The following USP31 variants were observed in gnomAD, a reference collection of about 807,000 sequenced individuals.
USP31 encodes ubiquitin carboxyl-terminal hydrolase 31.
In USP31, 44 loss-of-function variants were observed where a neutral mutation model predicts 119.4. That is an observed-to-expected ratio of 0.37 (90% confidence interval 0.29 to 0.47). USP31 has a LOEUF of 0.47. Among genes scored for constraint, USP31 ranks in the 20% least tolerant of loss-of-function variants. The probability of loss-of-function intolerance (pLI) is 0.99; values close to 1 mark genes in which losing one functional copy is unlikely to be tolerated. For synonymous variants in USP31, 749 were observed against 705.6 expected (o/e 1.06, Z -0.97); for missense variants, 1,643 against 1,730.2 (o/e 0.95, Z 0.89).
intron 6 of USP31, among the ~76,000 whole-genome samples, chr16:23,099,160 G>T (rs1345977790): frequency 6.6e-6 from 1 of 151,936 alleles, no homozygotes. Flanking sequence ...TGGGCAAAGG[G>T]TATGAACAGA....
chr16:23,108,879 T>A (rs1219232785), intron 1 of USP31, among the ~76,000 whole-genome samples: 2 of 152,242 alleles, frequency 1.3e-5, no homozygotes, highest in East Asian at 3.8e-4. Flanking sequence ...GCTAAACTTT[T>A]ATTATGTAAG....
intron 1 of USP31, among the ~76,000 whole-genome samples, chr16:23,136,967 C>T (rs192596139): frequency 1.3e-5 from 2 of 152,268 alleles, no homozygotes; most frequent in East Asian, 3.9e-4. Flanking sequence ...AATCCCGGCA[C>T]TTTGGGAGGC....
chr16:23,073,795 C>A lies in USP31; in HGVS notation c.2262G>T (p.Thr754=), dbSNP rs763372001. 1.9e-6 allele frequency: 3 copies of A among 1,613,980 alleles called. No homozygotes were observed. The highest frequency in any genetic ancestry group is 2.2e-5 in the South Asian group (2 of 91,076). Residue 754 remains threonine, a synonymous_variant, in exon 14 of 16, where the codon ACG becomes ACT. Coordinates refer to ENST00000219689, the MANE Select transcript of USP31 (RefSeq NM_020718.4). The part of the protein sequence containing the change: ...VQQLSEDEVC[T]QTAYILFYQR... Reference sequence around the variant, plus strand: ...GGTAGAAGAGGATGTATGCTGTCTGCGTGCAGACCTCATCTTCTGACAGCT... The same window carrying A: ...GGTAGAAGAGGATGTATGCTGTCTGAGTGCAGACCTCATCTTCTGACAGCT...
At chr16:23,126,621 T>C (rs1379488372) in intron 1 of USP31, among the ~76,000 whole-genome samples, 5 of 147,802 alleles carry the variant, frequency 3.4e-5, no homozygotes, top group African/African-American at 1.0e-4. Context: ...AGCAAGACTC[T>C]GTCTCAAAAA....
intron 6 of USP31, among the ~76,000 whole-genome samples, chr16:23,097,746 C>G (rs1376312721): frequency 6.6e-6 from 1 of 152,172 alleles, no homozygotes; most frequent in Non-Finnish European, 1.5e-5. Context: ...TCAATAGATG[C>G]AGAAAAGGCC....
Position 23,065,166 on chromosome 16 carries a change from T to C in USP31, c.*2880A>G, listed in dbSNP as rs1233808857. On this transcript the variant is annotated 3_prime_UTR_variant, in exon 16 of 16. Transcript: ENST00000219689. ...GCAAACAAACATTACAGATACAACATTACTGTTGGTGATTATTTTGTGCCT... is the reference window on the plus strand; with the variant it reads ...GCAAACAAACATTACAGATACAACACTACTGTTGGTGATTATTTTGTGCCT... The C allele has an allele frequency of 2.0e-5, 3 of 152,000 alleles. No homozygotes were observed. Among genetic ancestry groups the C allele is most frequent in the South Asian group, 4.1e-4 (2 of 4,822 alleles). The allele number at this position is 152,000 out of a possible 1,614,324, so 9.4% of individuals were successfully genotyped here.
chr16:23,118,979 AT>A lies in USP31; in HGVS notation c.634-10797del, dbSNP rs1474170664. Among the ~76,000 whole-genome samples, 7 of 152,270 alleles carry A rather than the reference AT, an allele frequency of 4.6e-5. No homozygotes were observed. The South Asian group carries it at 1.2e-3, about 27-fold the overall frequency. On this transcript the variant is annotated intron_variant, in intron 1 of 15. Transcript: ENST00000219689. ...CACTGCAAGGCTCTGTCTCAAAAAAATAATAAAATAAAATAAATAAATTCAC... is the reference window on the plus strand; with the variant it reads ...CACTGCAAGGCTCTGTCTCAAAAAAAAATAAAATAAAATAAATAAATTCAC...
Position 23,149,078 on chromosome 16 carries a change from T to C in USP31, c.193A>G (p.Met65Val). The change falls in exon 1 of 16, where the codon ATG becomes GTG. Residue 65 changes from methionine to valine, a missense_variant. Coordinates refer to ENST00000219689, the MANE Select transcript of USP31 (RefSeq NM_020718.4). ...GACAGCGTCTTGAGAACGCGGCTCA[T>C]GAAGCTGCCCACCGAGCGTGCAGAG... ...PSSARSVGSFMSRVLKTLSTL... is the reference protein window; with the variant it reads ...PSSARSVGSFVSRVLKTLSTL... The C allele has an allele frequency of 1.6e-6, 2 of 1,272,552 alleles. No individual in the cohort carries two copies. The highest frequency in any genetic ancestry group is 2.8e-4 in the Middle Eastern group (1 of 3,606). 78.8% of individuals were successfully genotyped at this position (1,272,552 alleles called of 1,614,324 possible).
intron 11 of USP31, among the ~76,000 whole-genome samples, chr16:23,083,590 G>T (rs1334731857): frequency 1.5e-5 from 2 of 131,400 alleles, no homozygotes; most frequent in African/African-American, 2.9e-5. Flanking sequence ...CATCTCCAAA[G>T]TCATTAAAAA....
At chr16:23,079,834 G>T in intron 13 of USP31, 112 bp downstream of exon 13, 2 of 993,842 alleles carry the variant, frequency 2.0e-6, no homozygotes, top group Non-Finnish European at 2.8e-6. Context: ...CTCACAGTTG[G>T]CACACTGCCT....
At chr16:23,119,830 AAC>A (rs1177199081) in intron 1 of USP31, among the ~76,000 whole-genome samples, 19 of 152,338 alleles carry the variant, frequency 1.2e-4, no homozygotes, top group South Asian at 1.0e-3. Context: ...AGAGAAAGCA[AAC>A]ACACCAGAGA....
chr16:23,143,347 G>A (rs1903405831), intron 1 of USP31, among the ~76,000 whole-genome samples: 1 of 152,162 alleles, frequency 6.6e-6, no homozygotes, highest in South Asian at 2.1e-4. Context: ...ACGGCTCTGA[G>A]CTCTAAAACT....
chr16:23,138,189 A>G (rs1903250371), intron 1 of USP31, among the ~76,000 whole-genome samples: 1 of 152,210 alleles, frequency 6.6e-6, no homozygotes, highest in Non-Finnish European at 1.5e-5. Flanking sequence ...TTGGGAAGAC[A>G]TTTTTTAAAA....
intron 14 of USP31, among the ~76,000 whole-genome samples, chr16:23,073,205 T>G (rs749562553): frequency 2.3e-4 from 35 of 152,150 alleles, no homozygotes; most frequent in Non-Finnish European, 4.9e-4. Context: ...ATCACAGCCA[T>G]CAATCCTTCT....
chr16:23,132,224 T>C (rs1456631566), intron 1 of USP31, among the ~76,000 whole-genome samples: 1 of 152,166 alleles, frequency 6.6e-6, no homozygotes, highest in Non-Finnish European at 1.5e-5. Context: ...CAATGAACAA[T>C]TAATTAGCAG....
chr16:23,134,086 C>CTT, intron 1 of USP31, among the ~76,000 whole-genome samples: 2 of 111,736 alleles, frequency 1.8e-5, no homozygotes, highest in African/African-American at 3.3e-5. Flanking sequence ...CTCTCTCTCT[C>CTT]TCTCACACAC....
intron 1 of USP31, among the ~76,000 whole-genome samples, chr16:23,148,234 CTG>C (rs1045947633): frequency 1.3e-5 from 2 of 152,194 alleles, no homozygotes; most frequent in Non-Finnish European, 2.9e-5. Flanking sequence ...GATGAAGAAA[CTG>C]TAAGAACAGA....
intron 1 of USP31, among the ~76,000 whole-genome samples, chr16:23,119,390 G>A (rs1044138699): frequency 1.3e-5 from 2 of 152,154 alleles, no homozygotes; most frequent in Non-Finnish European, 2.9e-5. Flanking sequence ...GAGCCACCGT[G>A]CCCGGCCAAT....
At position 23,063,764 on chromosome 16, in the gene USP31, CTA is replaced by C. The variant is rs1327838067; in HGVS notation, c.*4280_*4281del. On this transcript the variant is annotated 3_prime_UTR_variant, in exon 16 of 16. Transcript: ENST00000219689. ...TTTTTTAAGACTTAACATTTCATGT[CTA>C]TATGTTTTATTGTTTGCTTGCATAG... is the stretch of plus-strand genomic sequence containing the variant. The C allele has an allele frequency of 1.3e-5, 2 of 151,458 alleles. No homozygotes were observed. Among genetic ancestry groups the C allele is most frequent in the South Asian group, 2.1e-4 (1 of 4,788 alleles). The allele number at this position is 151,458 out of a possible 1,614,324, so 9.4% of individuals were successfully genotyped here.
Sources: allele counts gnomAD v4.1 joint callset (sites outside exome capture counted in the v4.1 genomes callset), GRCh38; gene constraint gnomAD v4.1.1; transcripts MANE v1.5; gene names NCBI Gene and HGNC (gene_info 2026-07-23, HGNC 2026-07-21).